The following EPB41L1 variants were observed in gnomAD, a reference collection of about 807,000 sequenced individuals.
The protein encoded by EPB41L1 is erythrocyte membrane protein band 4.1 like 1, also known as band 4.1-like protein 1.
In EPB41L1, 29 loss-of-function variants were observed where a neutral mutation model predicts 97.8. The observed-to-expected ratio is 0.30, with a 90% confidence interval of 0.22 to 0.40. The LOEUF (loss-of-function observed/expected upper bound fraction) is 0.40. Ranked by LOEUF, EPB41L1 falls within the 10% of genes least tolerant of loss-of-function variation. The pLI, the probability that EPB41L1 is intolerant of heterozygous loss-of-function variation, is 1.00. For missense variants in EPB41L1, 812 were observed against 1,162.3 expected (o/e 0.70, Z 4.38); for synonymous variants, 383 against 459.2 (o/e 0.83, Z 2.12).
At position 36,093,172 on chromosome 20, in the gene EPB41L1, C is replaced by CGTATCTGGGTGAGGGTGCGTGT. The variant is rs1431447853; in HGVS notation, c.-65+1563_-65+1584dup. On this transcript the variant is annotated intron_variant, in intron 1 of 19. Coordinates refer to the EPB41L1 transcript ENST00000202028. This position sits in a 1 kb window ranked among gnomAD's most constrained non-coding sequence, Gnocchi z 5.4. ...TGCGTGTCTTCGCGAGTGGTGCGTG[C>CGTATCTGGGTGAGGGTGCGTGT]GTATCTGGGTGAGGGTGCGTGTGTC... Among the ~76,000 whole-genome samples the CGTATCTGGGTGAGGGTGCGTGT allele has an allele frequency of 5.3e-5, 8 of 149,688 alleles. No homozygotes were observed. The highest frequency in any genetic ancestry group is 2.0e-4 in the African/African-American group (8 of 40,530).
intron 1 of EPB41L1, among the ~76,000 whole-genome samples, chr20:36,167,127 G>T (rs549779871): frequency 6.6e-6 from 1 of 152,200 alleles, no homozygotes; most frequent in Admixed American, 6.5e-5. Context: ...GTGGTCAAGG[G>T]GCACACAGAT....
Position 36,193,019 on chromosome 20 carries a change from A to G in EPB41L1, c.1301-1193A>G, listed in dbSNP as rs145765630. 4.6e-3 allele frequency among the ~76,000 whole-genome samples: 707 copies of G among 152,332 alleles called. 6 individuals are homozygous for G. Among genetic ancestry groups the G allele is most frequent in the Non-Finnish European group, 4.2e-3 (288 of 68,020 alleles). ...TCTGCTAGGGTTCATCTGAGGCTGAAGAAGCTCCTTCTTCTCCTTGGGTAG... is the reference window on the plus strand; with the variant it reads ...TCTGCTAGGGTTCATCTGAGGCTGAGGAAGCTCCTTCTTCTCCTTGGGTAG... On this transcript the variant is annotated intron_variant, in intron 11 of 21. Coordinates refer to ENST00000338074, the MANE Select transcript of EPB41L1 (RefSeq NM_012156.2).
At chr20:36,197,134 G>A (rs1310613813) in intron 13 of EPB41L1, among the ~76,000 whole-genome samples, 1 of 152,254 alleles carries the variant, frequency 6.6e-6, no homozygotes, top group Non-Finnish European at 1.5e-5. Context: ...TATCTGGAAG[G>A]TCCAGGGTGG....
At chr20:36,165,423 G>A (rs922783734) in intron 1 of EPB41L1, among the ~76,000 whole-genome samples, 1 of 152,064 alleles carries the variant, frequency 6.6e-6, no homozygotes. Context: ...AAGTGGCTGG[G>A]TGTGGTGGCT....
chr20:36,222,347 T>C lies in EPB41L1; in HGVS notation c.2590T>C (p.Tyr864His). 1.2e-6 allele frequency: 2 copies of C among 1,614,068 alleles called. No individual in the cohort carries two copies. Residue 864 changes from tyrosine (Y) to histidine (H), a missense_variant, in exon 21 of 22, where the codon TAC (tyrosine) becomes CAC (histidine). Tyr to His is a moderately conservative substitution (Grantham distance 83). This residue lies in a region of EPB41L1 where 498 missense variants were observed against 622.7 expected (regional missense o/e 0.80). Coordinates refer to ENST00000338074, the MANE Select transcript of EPB41L1 (RefSeq NM_012156.2). ...PDMLVTKAVV[Y>H]RETDPSPEER... The stretch of plus-strand genomic sequence containing the variant: ...TATGCTGGTAACCAAAGCTGTCGTA[T>C]ACAGAGAAACAGACCCATCCCCAGA...
At chr20:36,189,371 T>G (rs1412644854) in intron 9 of EPB41L1, among the ~76,000 whole-genome samples, 1 of 152,186 alleles carries the variant, frequency 6.6e-6, no homozygotes, top group East Asian at 1.9e-4. Flanking sequence ...TCTTTAGCTC[T>G]TGAGCTAAAC....
chr20:36,106,449 G>A (rs1375915757), intron 1 of EPB41L1, among the ~76,000 whole-genome samples: 2 of 152,148 alleles, frequency 1.3e-5, no homozygotes, highest in Non-Finnish European at 2.9e-5. Context: ...GTGACTTTGC[G>A]CAGGTGACTT....
At chr20:36,200,748 C>A in intron 14 of EPB41L1, 1 of 377,838 alleles carries the variant, frequency 2.6e-6, no homozygotes, top group Non-Finnish European at 5.3e-6. Context: ...AAAAGCTGGG[C>A]TATTTATGGA....
intron 2 of EPB41L1, among the ~76,000 whole-genome samples, chr20:36,147,935 A>G (rs1024771244): frequency 1.3e-5 from 2 of 152,110 alleles, no homozygotes; most frequent in African/African-American, 4.8e-5. Context: ...GGCCTCAGGA[A>G]TGTGGCTCCC....
At chr20:36,173,618 C>T (rs1405980806) in intron 1 of EPB41L1, 146 bp from the exon 2 acceptor site, 2 of 745,580 alleles carry the variant, frequency 2.7e-6, no homozygotes, top group African/African-American at 1.7e-5. Context: ...CCCACTTCCT[C>T]TGTCTCTCCC....
intron 1 of EPB41L1, among the ~76,000 whole-genome samples, chr20:36,165,558 G>T (rs540387071): frequency 1.3e-5 from 2 of 152,230 alleles, no homozygotes; most frequent in South Asian, 4.1e-4. Flanking sequence ...AATTAGCTGG[G>T]CATGGTGGCA....
chr20:36,228,394 T>C (rs997040631), intron 21 of EPB41L1, among the ~76,000 whole-genome samples: 9 of 152,290 alleles, frequency 5.9e-5, no homozygotes, highest in African/African-American at 2.2e-4. Flanking sequence ...AGGAAGCAAT[T>C]GAGGCTTAAA....
At chr20:36,130,279 T>C (rs192902739) in intron 2 of EPB41L1, among the ~76,000 whole-genome samples, 224 of 150,234 alleles carry the variant, frequency 1.5e-3, no homozygotes, top group African/African-American at 5.4e-3. Context: ...AAAACCATAA[T>C]AACATAGTAC....
rs758582600 is a variant in EPB41L1, at chr20:36,178,037, G to A, written c.428G>A (p.Cys143Tyr). Residue 143 changes from cysteine (C) to tyrosine (Y), a missense_variant, in exon 4 of 22, where the codon TGT becomes TAT. By Grantham distance (194) the Cys-to-Tyr change is radical (BLOSUM62 -2). Transcript: ENST00000338074. ...LEKDYFGLTF[C>Y]DADSQKNWLD... ...AAGGACTACTTCGGCCTGACCTTCT[G>A]TGATGCTGACAGCCAGAAGGTACCT... 13 of 1,613,956 alleles carry A rather than the reference G, an allele frequency of 8.1e-6. No homozygotes were observed. The highest frequency in any genetic ancestry group is 1.3e-5 in the African/African-American group (1 of 74,934).
At chr20:36,175,778 G>T in intron 3 of EPB41L1, 63 bp downstream of exon 3, 1 of 1,590,482 alleles carries the variant, frequency 6.3e-7, no homozygotes, top group South Asian at 1.1e-5. Context: ...TCCAGGGCAG[G>T]CTCCTGTGTG....
rs1229966120 is a variant in EPB41L1 at position 36,209,456 on chromosome 20, A to T, written c.1669-32A>T. The T allele has an allele frequency of 6.2e-7, 1 of 1,607,226 alleles. No homozygotes were observed. Among genetic ancestry groups the T allele is most frequent in the Admixed American group, 1.7e-5 (1 of 59,700 alleles). On this transcript the variant is annotated intron_variant, in intron 14 of 21. Coordinates refer to ENST00000338074, the MANE Select transcript of EPB41L1 (RefSeq NM_012156.2). This position sits in a 1 kb window ranked among gnomAD's most constrained non-coding sequence, Gnocchi z 4.2. Reference sequence around the variant, plus strand: ...CTTTCTCTCTCTCTCCCCACCCCACATCCCCATTCTTTTGATTTTATCTGG... The same window carrying T: ...CTTTCTCTCTCTCTCCCCACCCCACTTCCCCATTCTTTTGATTTTATCTGG...
intron 1 of EPB41L1, among the ~76,000 whole-genome samples, chr20:36,162,501 G>A (rs1294891187): frequency 1.3e-5 from 2 of 152,160 alleles, no homozygotes; most frequent in African/African-American, 2.4e-5. Context: ...AGCCGCCTGG[G>A]AAATAAGCTC....
At position 36,190,479 on chromosome 20, in the gene EPB41L1, T is replaced by C; in HGVS notation, c.1124+105T>C. On this transcript the variant is annotated intron_variant, in intron 10 of 21. Transcript: ENST00000338074. The surrounding 1 kb of genome is among the most constrained non-coding windows in gnomAD (Gnocchi z 5.8). The stretch of plus-strand genomic sequence containing the variant: ...AGAACTCTAGGAAAGTCCTCCACCC[T>C]TTCCCCAAGTCCCTCCCTTCCTGGA... 1 of 1,523,302 alleles carries C rather than the reference T, an allele frequency of 6.6e-7. No individual in the cohort carries two copies. The highest frequency in any genetic ancestry group is 9.0e-7 in the Non-Finnish European group (1 of 1,111,030). The allele number at this position is 1,523,302 out of a possible 1,614,324, so 94.4% of individuals were successfully genotyped here.
rs1299368302 is a variant in EPB41L1 at position 36,195,384 on chromosome 20, C to T, written c.1485+20C>T. The T allele has an allele frequency of 1.9e-6, 3 of 1,613,902 alleles. No individual in the cohort carries two copies. In the Admixed American group the frequency reaches 5.0e-5, roughly 27 times the overall value. Reference sequence around the variant, plus strand: ...CAGGAGGTACTGCATGGGACCTGTCCCTCCCTACCCAGCCGTTCCCATCCC... The same window carrying T: ...CAGGAGGTACTGCATGGGACCTGTCTCTCCCTACCCAGCCGTTCCCATCCC... On this transcript the variant is annotated intron_variant, in intron 13 of 21. Coordinates refer to ENST00000338074, the MANE Select transcript of EPB41L1 (RefSeq NM_012156.2). The surrounding 1 kb of genome is among the most constrained non-coding windows in gnomAD (Gnocchi z 4.6).
Sources: allele counts gnomAD v4.1 joint callset (sites outside exome capture counted in the v4.1 genomes callset), GRCh38; gene constraint gnomAD v4.1.1; regional missense constraint gnomAD v4.1.1; non-coding constraint Gnocchi (gnomAD v3.1); transcripts MANE v1.5; gene names NCBI Gene and HGNC (gene_info 2026-07-23, HGNC 2026-07-21).